The following SMG7 variants were observed in gnomAD, a reference collection of about 807,000 sequenced individuals.
SMG7 encodes the protein SMG7 nonsense mediated mRNA decay factor, also known as nonsense-mediated mRNA decay factor SMG7.
SMG7 carries 34 observed loss-of-function variants against 148.2 expected under a neutral mutation model. That is an observed-to-expected ratio of 0.23 (90% confidence interval 0.17 to 0.31). The LOEUF is 0.31. SMG7 is among the 10% of genes least tolerant of loss of function. The pLI is 1.00. For synonymous variants in SMG7, 492 were observed against 515.1 expected (o/e 0.96, Z 0.61); for missense variants, 1,114 against 1,408.4 (o/e 0.79, Z 3.35).
intron 1 of SMG7, among the ~76,000 whole-genome samples, chr1:183,503,963 A>ATT (rs1660329732): frequency 1.3e-5 from 2 of 152,160 alleles, no homozygotes; most frequent in Non-Finnish European, 2.9e-5. Context: ...TATGGTTCAT[A>ATT]TTTTATCACT....
rs1666577007 is a variant in SMG7, at chr1:183,530,013, C to T, written c.843+480C>T. ...AATTTGAAGAGATAACATTAACCTT[C>T]ATTCTATTTATATATGTGAAAATGA... On this transcript the variant is annotated intron_variant, in intron 8 of 22. Coordinates refer to ENST00000688051, the MANE Select transcript of SMG7 (RefSeq NM_001375584.1). 5.9e-5 allele frequency among the ~76,000 whole-genome samples: 9 copies of T among 152,188 alleles called. No individual in the cohort carries two copies. In the South Asian group the frequency reaches 1.9e-3, roughly 32 times the overall value.
At chr1:183,496,008 T>C (rs1658399796) in intron 1 of SMG7, among the ~76,000 whole-genome samples, 1 of 152,230 alleles carries the variant, frequency 6.6e-6, no homozygotes, top group Non-Finnish European at 1.5e-5. Context: ...GGCTCCAGAA[T>C]TCTGATACTG....
Position 183,521,554 on chromosome 1 carries a change from T to C in SMG7, c.312+3734T>C, listed in dbSNP as rs909204291. Among the ~76,000 whole-genome samples, 13 of 152,232 alleles carry C rather than the reference T, an allele frequency of 8.5e-5. No homozygotes were observed. In the South Asian group the frequency reaches 2.1e-3, roughly 24 times the overall value. On this transcript the variant is annotated intron_variant, in intron 4 of 22. Transcript: ENST00000688051. Reference sequence around the variant, plus strand: ...AATTCCAGATTGTTATATGGCCTTATAAGCTAAGATGAGTTTTGAATTTTA... The same window carrying C: ...AATTCCAGATTGTTATATGGCCTTACAAGCTAAGATGAGTTTTGAATTTTA...
chr1:183,482,605 T>G (rs895749339), intron 1 of SMG7, among the ~76,000 whole-genome samples: 1 of 152,102 alleles, frequency 6.6e-6, no homozygotes, highest in Non-Finnish European at 1.5e-5. Context: ...GTACAATATA[T>G]TTTGAGAGAG....
At chr1:183,507,075 C>T (rs1240468198) in intron 1 of SMG7, among the ~76,000 whole-genome samples, 3 of 152,012 alleles carry the variant, frequency 2.0e-5, no homozygotes, top group South Asian at 4.2e-4. Flanking sequence ...GACGAGGCTT[C>T]GCTATGTTGG....
At chr1:183,539,419 T>C (rs1442463544) in intron 12 of SMG7, among the ~76,000 whole-genome samples, 1 of 152,178 alleles carries the variant, frequency 6.6e-6, no homozygotes, top group Non-Finnish European at 1.5e-5. Context: ...CCTCTGAATG[T>C]TGTTGTTTTC....
chr1:183,521,016 G>A (rs569726972), intron 4 of SMG7, among the ~76,000 whole-genome samples: 17 of 151,038 alleles, frequency 1.1e-4, no homozygotes, highest in Non-Finnish European at 2.2e-4. Flanking sequence ...ATCAATAAAC[G>A]TCTTTATTTT....
chr1:183,537,418 A>G (rs943880026), intron 11 of SMG7, among the ~76,000 whole-genome samples: 6 of 152,206 alleles, frequency 3.9e-5, no homozygotes, highest in South Asian at 4.1e-4. Context: ...CTCATTTAGC[A>G]TCATTCAAAT....
intron 4 of SMG7, among the ~76,000 whole-genome samples, chr1:183,523,449 GAGGCAT>G (rs1665187197): frequency 6.6e-6 from 1 of 152,148 alleles, no homozygotes; most frequent in Non-Finnish European, 1.5e-5. Context: ...GGAAGAACTA[GAGGCAT>G]TAATATTCAG....
chr1:183,537,884 T>A (rs1668083388), intron 11 of SMG7, among the ~76,000 whole-genome samples: 1 of 152,204 alleles, frequency 6.6e-6, no homozygotes, highest in Non-Finnish European at 1.5e-5. Flanking sequence ...CTGGCTTGGC[T>A]TCTTTCTGAC....
chr1:183,505,224 C>A (rs556875115), intron 1 of SMG7, among the ~76,000 whole-genome samples: 1 of 152,294 alleles, frequency 6.6e-6, no homozygotes, highest in East Asian at 1.9e-4. Context: ...ATTTGTTCCT[C>A]AACCTCCTGC....
Position 183,517,798 on chromosome 1 carries a change from C to A in SMG7, c.290C>A (p.Ala97Glu). ...VQANLSLFLE[A>E]ASGFYTQLLQ... is the part of the protein sequence containing the mutation. Reference sequence around the variant, plus strand: ...GCAAACCTTTCTCTGTTCCTAGAGGCAGCTAGTGGCTTCTATACTCAGGTG... The same window carrying A: ...GCAAACCTTTCTCTGTTCCTAGAGGAAGCTAGTGGCTTCTATACTCAGGTG... The change falls in exon 4 of 23, where the codon GCA (alanine) becomes GAA (glutamate). Residue 97 changes from alanine to glutamate, a missense_variant. Physicochemically the swap from Ala to Glu is moderately radical, Grantham distance 107 (BLOSUM62 -1). Coordinates refer to ENST00000688051, the MANE Select transcript of SMG7 (RefSeq NM_001375584.1). 2 of 1,614,098 alleles carry A rather than the reference C, an allele frequency of 1.2e-6. No homozygotes were observed. Among genetic ancestry groups the A allele is most frequent in the Non-Finnish European group, 1.7e-6 (2 of 1,179,960 alleles).
At chr1:183,512,897 A>G in intron 2 of SMG7, 29 bp downstream of exon 2, 3 of 1,565,138 alleles carry the variant, frequency 1.9e-6, no homozygotes, top group Non-Finnish European at 1.7e-6. Context: ...CTTTTTCACA[A>G]CATATTTTAT....
At chr1:183,509,353 A>T (rs1215169054) in intron 1 of SMG7, among the ~76,000 whole-genome samples, 1 of 152,208 alleles carries the variant, frequency 6.6e-6, no homozygotes, top group Non-Finnish European at 1.5e-5. Flanking sequence ...AGCCAACATT[A>T]GCTTTTTATG....
chr1:183,547,214 C>T lies in SMG7; in HGVS notation c.2854C>T (p.Leu952=). 6.5e-7 allele frequency: 1 copy of T among 1,550,336 alleles called. No individual in the cohort carries two copies. The highest frequency in any genetic ancestry group is 8.7e-7 in the Non-Finnish European group (1 of 1,146,878). The change falls in exon 18 of 23, where the codon CTG becomes TTG. Residue 952 remains leucine, a synonymous_variant. Coordinates refer to ENST00000688051, the MANE Select transcript of SMG7 (RefSeq NM_001375584.1). Reference sequence around the variant, plus strand: ...CCCTCCTGATCTTTACCCGGCTCTGCTGGGGCCTCTCGCCTCTCTTCCTGG... The same window carrying T: ...CCCTCCTGATCTTTACCCGGCTCTGTTGGGGCCTCTCGCCTCTCTTCCTGG... ...SNPPDLYPAL[L]GPLASLPGRS... is the part of the protein sequence containing the mutation.
intron 1 of SMG7, among the ~76,000 whole-genome samples, chr1:183,480,976 A>G (rs1204733345): frequency 6.6e-6 from 1 of 152,114 alleles, no homozygotes; most frequent in South Asian, 2.1e-4. Context: ...AGTGTTAACA[A>G]AGGTTTACAT....
intron 6 of SMG7, among the ~76,000 whole-genome samples, chr1:183,528,677 C>T (rs150332077): frequency 2.9e-4 from 44 of 152,298 alleles, no homozygotes; most frequent in African/African-American, 1.0e-3. Context: ...AAGCCGCTCT[C>T]TACCCTAATA....
chr1:183,492,854 G>A (rs939951764), intron 1 of SMG7, among the ~76,000 whole-genome samples: 1 of 151,792 alleles, frequency 6.6e-6, no homozygotes, highest in South Asian at 2.1e-4. Flanking sequence ...ACCTCTCTAA[G>A]CACTGCTTTT....
intron 1 of SMG7, among the ~76,000 whole-genome samples, chr1:183,485,401 G>T (rs892431090): frequency 2.6e-5 from 4 of 152,148 alleles, no homozygotes; most frequent in African/African-American, 9.7e-5. Context: ...GGGCCGGGTA[G>T]TTTTGCCAAA....
Sources: allele counts gnomAD v4.1 joint callset (sites outside exome capture counted in the v4.1 genomes callset), GRCh38; gene constraint gnomAD v4.1.1; transcripts MANE v1.5; gene names NCBI Gene and HGNC (gene_info 2026-07-23, HGNC 2026-07-21).